Variants in CYP2A6 observed in about 807,000 individuals in gnomAD.
CYP2A6 encodes cytochrome P450 family 2 subfamily A member 6.
A neutral mutation model predicts 42.3 loss-of-function variants in CYP2A6; 27 were observed. The ratio of observed to expected loss-of-function variants is 0.64; its 90% CI spans 0.47 to 0.88. The LOEUF is 0.88. Ranked by LOEUF, CYP2A6 falls within the 40% of genes least tolerant of loss-of-function variation. The probability of loss-of-function intolerance (pLI) is 0.00; values close to 1 mark genes in which losing one functional copy is unlikely to be tolerated. For missense variants in CYP2A6, 628 were observed against 646.0 expected, an observed-to-expected ratio of 0.97 and a Z score of 0.30; for synonymous variants, 238 against 246.3, an observed-to-expected ratio of 0.97 and a Z score of 0.31.
chr19:40,846,152 T>C, intron 5 of CYP2A6, 55 bp from the exon 6 acceptor site: 4 of 1,595,640 alleles, frequency 2.5e-6, no homozygotes, highest in Non-Finnish European at 8.5e-7. Flanking sequence ...TCAGGGCCCT[T>C]CTAGGGCTTT....
At chr19:40,848,444 A>G (rs1599779524) in intron 3 of CYP2A6, 65 bp from the exon 4 acceptor site, 2 of 1,603,822 alleles carry the variant, frequency 1.2e-6, no homozygotes, top group East Asian at 4.6e-5. Flanking sequence ...GGAGAGTCAG[A>G]ATTCCAGGAG....
rs1218597868 is a variant in CYP2A6, at chr19:40,846,039, T to C, written c.890A>G (p.Asn297Ser). 18 of 1,610,094 alleles carry C rather than the reference T, an allele frequency of 1.1e-5. No individual in the cohort carries two copies. The highest frequency in any genetic ancestry group is 1.4e-5 in the Non-Finnish European group (17 of 1,179,324). ...YLKNLVMTTLNLFIGGTETVS... is the reference protein window; with the variant it reads ...YLKNLVMTTLSLFIGGTETVS... Reference sequence around the variant, plus strand: ...GGTCTCGGTGCCCCCAATGAAGAGGTTCAACGTGGTCATCACCAGGTTTTT... The same window carrying C: ...GGTCTCGGTGCCCCCAATGAAGAGGCTCAACGTGGTCATCACCAGGTTTTT... Residue 297 changes from asparagine to serine, a missense_variant, in exon 6 of 9, where the codon AAC (asparagine) becomes AGC (serine). By Grantham distance (46) the Asn-to-Ser change is conservative. Around this residue, in one of 2 missense-constraint regions of CYP2A6, gnomAD observed 606 missense variants for 568.1 expected, o/e 1.07. Coordinates refer to ENST00000301141, the MANE Select transcript of CYP2A6 (RefSeq NM_000762.6).
In CYP2A6 at chr19:40,848,700, C is replaced by G; in HGVS notation, c.407G>C (p.Arg136Pro). ...QLRRFSIATLRDFGVGKRGIE... is the reference protein window; with the variant it reads ...QLRRFSIATLPDFGVGKRGIE... ...GCCTCGCTTGCCCACCCCGAAGTCC[C>G]GCAGGGTGGCGATGGAGAAGCGCCG... is the stretch of plus-strand genomic sequence containing the variant. The change falls in exon 3 of 9, where the codon CGG (arginine) becomes CCG (proline). Residue 136 changes from arginine to proline, a missense_variant. This residue lies in a region of CYP2A6 where 606 missense variants were observed against 568.1 expected (regional missense o/e 1.07). Coordinates refer to ENST00000301141, the MANE Select transcript of CYP2A6 (RefSeq NM_000762.6). The G allele has an allele frequency of 1.2e-6, 2 of 1,611,946 alleles. No individual in the cohort carries two copies. Among genetic ancestry groups the G allele is most frequent in the Non-Finnish European group, 1.7e-6 (2 of 1,179,894 alleles).
In CYP2A6 at chr19:40,848,871, G is replaced by A. The variant is rs753430732; in HGVS notation, c.344-108C>T. 166 of 1,351,334 alleles carry A rather than the reference G, an allele frequency of 1.2e-4. 7 individuals carry two copies. The South Asian group carries it at 1.7e-3, about 14-fold the overall frequency. 83.7% of individuals were successfully genotyped at this position (1,351,334 alleles called of 1,614,324 possible). ...GTGGAGGAGAGAGGGAGTAGGGTGG[G>A]AGAGAGATGGATTCAGCGCCATTGC... On this transcript the variant is annotated intron_variant, in intron 2 of 8. Transcript: ENST00000301141.
intron 2 of CYP2A6, 52 bp downstream of exon 2, chr19:40,849,766 T>G (rs1334524302): frequency 1.7e-5 from 28 of 1,605,358 alleles, no homozygotes; most frequent in Non-Finnish European, 2.1e-5. Flanking sequence ...CTGGGAACAC[T>G]GAGACCTTCG....
At chr19:40,844,405 C>T (rs2083445153) in intron 8 of CYP2A6, among the ~76,000 whole-genome samples, 1 of 151,292 alleles carries the variant, frequency 6.6e-6, no homozygotes, top group Admixed American at 6.6e-5. Context: ...GCTGTGTGAC[C>T]CTAGAGAAAT....
chr19:40,845,681 G>T (rs1408870907), intron 6 of CYP2A6, among the ~76,000 whole-genome samples, 200 bp from the exon 7 acceptor site: 1 of 151,506 alleles, frequency 6.6e-6, no homozygotes, highest in East Asian at 2.0e-4. Flanking sequence ...CACAGGGGAG[G>T]CACAGGGAGG....
At position 40,848,197 on chromosome 19, in the gene CYP2A6, G is replaced by A. The variant is rs374725237; in HGVS notation, c.654+22C>T. On this transcript the variant is annotated intron_variant, in intron 4 of 8. Coordinates refer to ENST00000301141, the MANE Select transcript of CYP2A6 (RefSeq NM_000762.6). Reference sequence around the variant, plus strand: ...TGGCAGGTTGTGGTAGGGGCGTCACGGGCCGGGCTGCAGCCAGTTACCTGC... The same window carrying A: ...TGGCAGGTTGTGGTAGGGGCGTCACAGGCCGGGCTGCAGCCAGTTACCTGC... The A allele has an allele frequency of 1.4e-5, 22 of 1,610,048 alleles. No individual in the cohort carries two copies. In the African/African-American group the frequency reaches 2.5e-4, roughly 19 times the overall value.
chr19:40,849,074 GA>G (rs1967173006), intron 2 of CYP2A6, among the ~76,000 whole-genome samples: 1 of 145,430 alleles, frequency 6.9e-6, no homozygotes, highest in Non-Finnish European at 1.5e-5. Context: ...GAGAGAGAGA[GA>G]GAGAGAGAGA....
chr19:40,845,528 C>T, intron 6 of CYP2A6, 47 bp from the exon 7 acceptor site: 1 of 1,604,208 alleles, frequency 6.2e-7, no homozygotes, highest in Non-Finnish European at 8.5e-7. Flanking sequence ...GGTCTCAGAG[C>T]AGGAAATGAT....
chr19:40,848,958 GA>G (rs1967155459), intron 2 of CYP2A6, among the ~76,000 whole-genome samples, 195 bp from the exon 3 acceptor site: 1 of 134,906 alleles, frequency 7.4e-6, no homozygotes, highest in Non-Finnish European at 1.6e-5. Context: ...GAGAGAGAGA[GA>G]GAGAGAGAGA....
rs777098658 is a variant in CYP2A6, at chr19:40,848,688, A to G, written c.419T>C (p.Val140Ala). 9.4e-5 allele frequency: 151 copies of G among 1,611,546 alleles called. No individual in the cohort carries two copies. Among genetic ancestry groups the G allele is most frequent in the Non-Finnish European group, 1.2e-4 (147 of 1,179,862 alleles). ...FSIATLRDFG[V>A]GKRGIEERIQ... The stretch of plus-strand genomic sequence containing the variant: ...GCGCTCCTCGATGCCTCGCTTGCCC[A>G]CCCCGAAGTCCCGCAGGGTGGCGAT... Residue 140 changes from valine (V) to alanine (A), a missense_variant, in exon 3 of 9, where the codon GTG becomes GCG. Transcript: ENST00000301141.
rs750013640 is a variant in CYP2A6 at position 40,846,049 on chromosome 19, T to C, written c.880A>G (p.Thr294Ala). ...CCCCCAATGAAGAGGTTCAACGTGG[T>C]CATCACCAGGTTTTTCAAGTAGAAC... is the stretch of plus-strand genomic sequence containing the variant. Reference protein sequence around the residue: ...TEFYLKNLVMTTLNLFIGGTE... With the variant: ...TEFYLKNLVMATLNLFIGGTE... Residue 294 changes from threonine to alanine, a missense_variant, in exon 6 of 9, where the codon ACC (threonine) becomes GCC (alanine). By Grantham distance (58) the Thr-to-Ala change is moderately conservative (BLOSUM62 0). This residue lies in a region of CYP2A6 where 606 missense variants were observed against 568.1 expected (regional missense o/e 1.07). Coordinates refer to ENST00000301141, the MANE Select transcript of CYP2A6 (RefSeq NM_000762.6). 1.2e-6 allele frequency: 2 copies of C among 1,611,474 alleles called. No individual in the cohort carries two copies. Among genetic ancestry groups the C allele is most frequent in the Admixed American group, 3.3e-5 (2 of 59,966 alleles).
Position 40,850,014 on chromosome 19 carries a change from A to C in CYP2A6, c.181-34T>G, listed in dbSNP as rs28399438. 12,535 of 1,592,718 alleles carry C rather than the reference A, an allele frequency of 7.9e-3. 1,035 individuals are homozygous for C. In the African/African-American group the frequency reaches 0.14, roughly 18 times the overall value. ...GGTGGGTGGGAGTGGTTAGAGGGAG[A>C]AGCCTCCACTCTGAATGGGGCCCAG... On this transcript the variant is annotated intron_variant, in intron 1 of 8. Coordinates refer to ENST00000301141, the MANE Select transcript of CYP2A6 (RefSeq NM_000762.6).
intron 8 of CYP2A6, 96 bp downstream of exon 8, chr19:40,844,535 G>C: frequency 1.3e-6 from 2 of 1,599,456 alleles, no homozygotes; most frequent in Admixed American, 1.7e-5. Context: ...CTTCCAAGCT[G>C]GAGAAATACC....
rs756293343 is a variant in CYP2A6, at chr19:40,850,256, G to C, written c.171C>G (p.Ser57=). 46 of 1,608,380 alleles carry C rather than the reference G, an allele frequency of 2.9e-5. 1 individual carries two copies. Among genetic ancestry groups the C allele is most frequent in the Non-Finnish European group, 5.1e-6 (6 of 1,177,776 alleles). The change falls in exon 1 of 9, where the codon TCC becomes TCG. Residue 57 remains serine, a synonymous_variant. Transcript: ENST00000301141. ...LQLNTEQMYN[S]LMKISERYGP... ...CCCTGCCTTGGGACACCTTCATGAG[G>C]GAGTTGTACATCTGCTCTGTGTTCA...
intron 8 of CYP2A6, among the ~76,000 whole-genome samples, 159 bp downstream of exon 8, chr19:40,844,472 T>C (rs2083445401): frequency 1.3e-5 from 2 of 151,272 alleles, no homozygotes. Flanking sequence ...TACTGGGTGC[T>C]TGGTAGTTAA....
rs778332549 is a variant in CYP2A6 at position 40,844,713 on chromosome 19, G to T, written c.1221C>A (p.Asn407Lys). Residue 407 changes from asparagine to lysine, a missense_variant, in exon 8 of 9, where the codon AAC (asparagine) becomes AAA (lysine). By Grantham distance (94) the Asn-to-Lys change is moderately conservative. Transcript: ENST00000301141. The stretch of plus-strand genomic sequence containing the variant: ...AGTGCTGGGGATTGAAGTCCTGGGG[G>T]TTGGAGAAGAAACTGGGGTCTCTCA... ...SVLRDPSFFS[N>K]PQDFNPQHFL... 4 of 1,611,634 alleles carry T rather than the reference G, an allele frequency of 2.5e-6. No individual in the cohort carries two copies. The Admixed American group carries it at 6.7e-5, about 27-fold the overall frequency.
Position 40,843,560 on chromosome 19 carries a change from A to G in CYP2A6, c.*236T>C. ...ACGTGCTCAGGAAATAAGAGCTGCT[A>G]TTATTACTACTCTTCATAGCATAAT... On this transcript the variant is annotated 3_prime_UTR_variant, in exon 9 of 9. Transcript: ENST00000301141. 2.9e-6 allele frequency: 2 copies of G among 694,466 alleles called. No homozygotes were observed. The highest frequency in any genetic ancestry group is 4.6e-6 in the Non-Finnish European group (2 of 433,396). 43.0% of individuals were successfully genotyped at this position (694,466 alleles called of 1,614,324 possible).
Sources: gnomAD v4.1 joint callset for allele counts (sites outside exome capture counted in the v4.1 genomes callset) on GRCh38, gnomAD v4.1.1 for gene constraint, gnomAD v4.1.1 regional missense constraint, MANE v1.5 for transcripts, NCBI Gene and HGNC (gene_info 2026-07-23, HGNC 2026-07-21) for gene names.